Variants in PLCXD3 observed in about 807,000 individuals in gnomAD.
The protein encoded by PLCXD3 is PI-PLC X domain-containing protein 3.
A neutral mutation model predicts 25.5 loss-of-function variants in PLCXD3; 19 were observed. That is an observed-to-expected ratio of 0.75 (90% confidence interval 0.52 to 1.09). PLCXD3 has a LOEUF of 1.09. PLCXD3 is among the 50% of genes least tolerant of loss of function. The pLI is 0.00. For synonymous variants in PLCXD3, 174 were observed against 137.6 expected, an observed-to-expected ratio of 1.26 and a Z score of -1.85; for missense variants, 411 against 388.1, an observed-to-expected ratio of 1.06 and a Z score of -0.50.
At position 41,381,984 on chromosome 5, in the gene PLCXD3, G is replaced by A; in HGVS notation, c.654C>T (p.Asn218=). The change falls in exon 2 of 3, where the codon AAC becomes AAT. Residue 218 remains asparagine (N), a synonymous_variant. Coordinates refer to ENST00000377801, the MANE Select transcript of PLCXD3 (RefSeq NM_001005473.3). The stretch of plus-strand genomic sequence containing the variant: ...GGATCAGTTTCTCGGGGTCTGTGGT[G>A]TTGGCCCAGGGTGCTGGCATCATCT... The part of the protein sequence containing the change: ...PGQMMPAPWA[N]TTDPEKLIQF... 2 of 1,613,492 alleles carry A rather than the reference G, an allele frequency of 1.2e-6. No homozygotes were observed. Among genetic ancestry groups the A allele is most frequent in the Non-Finnish European group, 1.7e-6 (2 of 1,179,720 alleles).
intron 2 of PLCXD3, among the ~76,000 whole-genome samples, chr5:41,339,205 T>C (rs935763098): frequency 6.6e-6 from 1 of 152,062 alleles, no homozygotes; most frequent in Non-Finnish European, 1.5e-5. Context: ...AAAGAAGATA[T>C]AAAGCATGCA....
chr5:41,357,449 T>C (rs1035080224), intron 2 of PLCXD3, among the ~76,000 whole-genome samples: 3 of 152,230 alleles, frequency 2.0e-5, no homozygotes, highest in Non-Finnish European at 4.4e-5. Flanking sequence ...ATATGCAACT[T>C]AATTTCTCTT....
intron 2 of PLCXD3, among the ~76,000 whole-genome samples, chr5:41,356,095 T>C (rs1325130163): frequency 6.6e-6 from 1 of 152,030 alleles, no homozygotes; most frequent in African/African-American, 2.4e-5. Flanking sequence ...CAAAACCCTG[T>C]TTCTACTAAA....
At chr5:41,350,278 C>A (rs1322278060) in intron 2 of PLCXD3, among the ~76,000 whole-genome samples, 2 of 152,142 alleles carry the variant, frequency 1.3e-5, no homozygotes, top group Non-Finnish European at 1.5e-5. Context: ...AAATCTACAG[C>A]ATAGAGGTCC....
intron 2 of PLCXD3, among the ~76,000 whole-genome samples, chr5:41,344,359 A>C (rs1429186261): frequency 6.6e-6 from 1 of 152,174 alleles, no homozygotes; most frequent in African/African-American, 2.4e-5. Flanking sequence ...ATTCAAATAA[A>C]AGGTAGAACT....
At chr5:41,361,024 G>A (rs550486087) in intron 2 of PLCXD3, among the ~76,000 whole-genome samples, 20 of 152,242 alleles carry the variant, frequency 1.3e-4, no homozygotes, top group African/African-American at 4.3e-4. Flanking sequence ...ACTACCAAGT[G>A]GGGGCAGGGA....
chr5:41,313,596 T>C lies in PLCXD3; in HGVS notation c.*21A>G, dbSNP rs746248406. On this transcript the variant is annotated 3_prime_UTR_variant, in exon 3 of 3. Transcript: ENST00000377801. ...CAATGAGCTTTCTCCATCTTATTCA[T>C]GGAAACTCCAAGTAGTGCTATCAAG... 2 of 1,613,450 alleles carry C rather than the reference T, an allele frequency of 1.2e-6. No individual in the cohort carries two copies. The highest frequency in any genetic ancestry group is 1.1e-5 in the South Asian group (1 of 91,068).
intron 1 of PLCXD3, among the ~76,000 whole-genome samples, chr5:41,464,831 T>C (rs1441888111): frequency 3.3e-5 from 5 of 151,994 alleles, no homozygotes; most frequent in Non-Finnish European, 7.4e-5. Flanking sequence ...ATCTCCTCTT[T>C]CATAGTTTTC....
chr5:41,450,635 C>A (rs1408403608), intron 1 of PLCXD3, among the ~76,000 whole-genome samples: 1 of 152,070 alleles, frequency 6.6e-6, no homozygotes, highest in East Asian at 1.9e-4. Flanking sequence ...CAATTTCACT[C>A]TCATCTTCCC....
intron 1 of PLCXD3, among the ~76,000 whole-genome samples, chr5:41,422,210 A>G (rs10805659): frequency 0.52 from 78,775 of 152,010 alleles, 22,432 homozygotes; most frequent in South Asian, 0.71. Context: ...TTTCCTATAA[A>G]TAACTTCCTT....
intron 2 of PLCXD3, among the ~76,000 whole-genome samples, chr5:41,322,200 C>G (rs753083011): frequency 6.6e-6 from 1 of 152,058 alleles, no homozygotes; most frequent in Non-Finnish European, 1.5e-5. Context: ...GATTAATAAC[C>G]AGGATATATA....
intron 1 of PLCXD3, among the ~76,000 whole-genome samples, chr5:41,434,167 T>C (rs1341353038): frequency 1.3e-5 from 2 of 152,182 alleles, no homozygotes; most frequent in Non-Finnish European, 2.9e-5. Context: ...TATATCTTTG[T>C]TTATCCTAGT....
intron 1 of PLCXD3, among the ~76,000 whole-genome samples, chr5:41,411,994 A>G (rs2150503567): frequency 6.7e-6 from 1 of 150,290 alleles, no homozygotes; most frequent in Middle Eastern, 3.4e-3. Flanking sequence ...ATCCATATCT[A>G]TCTATCTGTA....
At chr5:41,356,107 A>T (rs1167969645) in intron 2 of PLCXD3, among the ~76,000 whole-genome samples, 1 of 152,124 alleles carries the variant, frequency 6.6e-6, no homozygotes, top group Non-Finnish European at 1.5e-5. Context: ...TCTACTAAAA[A>T]TGCAAAAAAT....
At chr5:41,466,334 A>T (rs1748017283) in intron 1 of PLCXD3, among the ~76,000 whole-genome samples, 1 of 152,114 alleles carries the variant, frequency 6.6e-6, no homozygotes, top group Non-Finnish European at 1.5e-5. Flanking sequence ...GAAAAATCAT[A>T]TGTACTATAA....
chr5:41,411,777 T>C (rs540202776), intron 1 of PLCXD3, among the ~76,000 whole-genome samples: 6 of 150,166 alleles, frequency 4.0e-5, no homozygotes, highest in Admixed American at 3.3e-4. Context: ...ATTTTTATAA[T>C]AGTTTTGGTC....
At position 41,312,957 on chromosome 5, in the gene PLCXD3, C is replaced by T. The variant is rs1287070172; in HGVS notation, c.*660G>A. On this transcript the variant is annotated 3_prime_UTR_variant, in exon 3 of 3. Coordinates refer to ENST00000377801, the MANE Select transcript of PLCXD3 (RefSeq NM_001005473.3). ...ACAGCTCTCCAAAAACATTTTTCTC[C>T]TATATTTATAGCTGCCTTAAATAGA... The T allele has an allele frequency of 6.6e-6, 1 of 152,486 alleles. No individual in the cohort carries two copies. The highest frequency in any genetic ancestry group is 1.5e-5 in the Non-Finnish European group (1 of 68,012). The allele number at this position is 152,486 out of a possible 1,614,324, so 9.4% of individuals were successfully genotyped here.
chr5:41,468,211 T>A (rs1245398889), intron 1 of PLCXD3, among the ~76,000 whole-genome samples: 1 of 151,608 alleles, frequency 6.6e-6, no homozygotes, highest in East Asian at 1.9e-4. Context: ...AGAGACAGGG[T>A]TTTACTATGT....
At chr5:41,485,416 C>T (rs1385796667) in intron 1 of PLCXD3, among the ~76,000 whole-genome samples, 1 of 152,116 alleles carries the variant, frequency 6.6e-6, no homozygotes, top group East Asian at 1.9e-4. Flanking sequence ...AACCTTCAAC[C>T]TTCTAAATTG....
Sources: gnomAD v4.1 joint callset for allele counts (sites outside exome capture counted in the v4.1 genomes callset) on GRCh38, gnomAD v4.1.1 for gene constraint, MANE v1.5 for transcripts, NCBI Gene and HGNC (gene_info 2026-07-23, HGNC 2026-07-21) for gene names.